The following CEP128 variants were observed in gnomAD, a reference collection of about 807,000 sequenced individuals.
CEP128 encodes the protein centrosomal protein 128.
A neutral mutation model predicts 156.7 loss-of-function variants in CEP128; 132 were observed. The observed-to-expected ratio is 0.84, with a 90% CI of 0.73 to 0.97. The LOEUF (loss-of-function observed/expected upper bound fraction) is 0.97, where lower values mean the gene tolerates loss of function less well. Ranked by LOEUF, CEP128 falls within the 50% of genes least tolerant of loss-of-function variation. The probability of loss-of-function intolerance (pLI) is 0.00; values close to 1 mark genes in which losing one functional copy is unlikely to be tolerated. For synonymous variants in CEP128, 469 were observed against 448.9 expected (o/e 1.04, Z -0.57); for missense variants, 1,252 against 1,281.9 (o/e 0.98, Z 0.36).
At chr14:80,737,131 T>A (rs578069665) in intron 19 of CEP128, among the ~76,000 whole-genome samples, 2 of 152,150 alleles carry the variant, frequency 1.3e-5, no homozygotes, top group Non-Finnish European at 2.9e-5. Flanking sequence ...ATAGGCTGGG[T>A]GCAGTGGCTC....
rs1901624118 is a variant in CEP128, at chr14:80,790,063, G to T, written c.1560+2697C>A. Among the ~76,000 whole-genome samples, 3 of 151,964 alleles carry T rather than the reference G, an allele frequency of 2.0e-5. No individual in the cohort carries two copies. The South Asian group carries it at 6.2e-4, about 31-fold the overall frequency. ...CCATTCAAAAATTCAGATTTTACAA[G>T]ATAGCATATATTACATATAACTCTT... On this transcript the variant is annotated intron_variant, in intron 14 of 24. Coordinates refer to ENST00000555265, the MANE Select transcript of CEP128 (RefSeq NM_152446.5).
At position 80,531,051 on chromosome 14, in the gene CEP128, C is replaced by T. The variant is rs555117966; in HGVS notation, c.2881-165G>A. ...AATAGTATTTTCAAGATAAATGTATCTTTTGAAAATAGAAGAATTATTTCC... is the reference window on the plus strand; with the variant it reads ...AATAGTATTTTCAAGATAAATGTATTTTTTGAAAATAGAAGAATTATTTCC... On this transcript the variant is annotated intron_variant, in intron 21 of 24. Coordinates refer to ENST00000555265, the MANE Select transcript of CEP128 (RefSeq NM_152446.5). 7 of 364,110 alleles carry T rather than the reference C, an allele frequency of 1.9e-5. No individual in the cohort carries two copies. In the East Asian group the frequency reaches 2.9e-4, roughly 15 times the overall value. The allele number at this position is 364,110 out of a possible 1,614,324, so 22.6% of individuals were successfully genotyped here.
intron 14 of CEP128, among the ~76,000 whole-genome samples, chr14:80,482,875 C>T (rs774523768): frequency 1.3e-5 from 2 of 152,114 alleles, no homozygotes; most frequent in Non-Finnish European, 2.9e-5. Flanking sequence ...GAAAATAAAT[C>T]GCTAAATGAC....
At chr14:80,845,113 A>G (rs577426797) in intron 9 of CEP128, among the ~76,000 whole-genome samples, 12 of 152,294 alleles carry the variant, frequency 7.9e-5, no homozygotes, top group African/African-American at 2.9e-4. Flanking sequence ...AAATAACTCA[A>G]AGGTAAACCC....
intron 19 of CEP128, among the ~76,000 whole-genome samples, chr14:80,661,938 T>C (rs1895418378): frequency 6.6e-6 from 1 of 152,184 alleles, no homozygotes; most frequent in African/African-American, 2.4e-5. Flanking sequence ...TTATACAGAA[T>C]ACATTGAGCT....
chr14:80,688,854 C>T (rs965095060), intron 19 of CEP128, among the ~76,000 whole-genome samples: 12 of 152,114 alleles, frequency 7.9e-5, no homozygotes, highest in Non-Finnish European at 1.6e-4. Flanking sequence ...TATAATTTCA[C>T]CTATACATTC....
intron 8 of CEP128, among the ~76,000 whole-genome samples, chr14:80,884,317 CA>C (rs781043596): frequency 1.7e-4 from 26 of 152,264 alleles, no homozygotes; most frequent in Admixed American, 3.3e-4. Context: ...GAAAATTTTG[CA>C]AACTATCAAC....
intron 19 of CEP128, among the ~76,000 whole-genome samples, chr14:80,712,820 T>C (rs1046175083): frequency 1.3e-5 from 2 of 152,094 alleles, no homozygotes; most frequent in African/African-American, 2.4e-5. Flanking sequence ...AAACGAGAAA[T>C]AACCAAGTCG....
At chr14:80,643,045 C>A (rs188237915) in intron 19 of CEP128, among the ~76,000 whole-genome samples, 1 of 152,122 alleles carries the variant, frequency 6.6e-6, no homozygotes, top group Non-Finnish European at 1.5e-5. Flanking sequence ...TGAGCCACCG[C>A]GCCCGGCTGA....
At chr14:80,633,862 T>A (rs771714074) in intron 19 of CEP128, among the ~76,000 whole-genome samples, 2 of 152,202 alleles carry the variant, frequency 1.3e-5, no homozygotes, top group Non-Finnish European at 2.9e-5. Context: ...TAAAAAAATG[T>A]GAATCCCTAT....
intron 18 of CEP128, among the ~76,000 whole-genome samples, chr14:80,747,549 C>T (rs1383348143): frequency 2.0e-5 from 3 of 152,222 alleles, no homozygotes; most frequent in Non-Finnish European, 2.9e-5. Context: ...TGGCTCACGC[C>T]TGTAATCCCA....
Position 80,606,823 on chromosome 14 carries a change from T to G in CEP128, c.2807-26400A>C, listed in dbSNP as rs767251475. 3.2e-4 allele frequency among the ~76,000 whole-genome samples: 48 copies of G among 152,130 alleles called. No homozygotes were observed. The Middle Eastern group carries it at 0.01, about 32-fold the overall frequency. On this transcript the variant is annotated intron_variant, in intron 19 of 24. Transcript: ENST00000555265. ...AGCCTGGATCCTGAACACCATGTTA[T>G]ATAATATATAGGTAATGTATATAAT...
At chr14:80,544,206 A>T (rs1889885613) in intron 21 of CEP128, among the ~76,000 whole-genome samples, 2 of 152,230 alleles carry the variant, frequency 1.3e-5, no homozygotes, top group Non-Finnish European at 2.9e-5. Context: ...ATACTATATC[A>T]TAATTTTTCA....
intron 9 of CEP128, among the ~76,000 whole-genome samples, chr14:80,847,363 G>A (rs922956181): frequency 6.6e-6 from 1 of 151,934 alleles, no homozygotes; most frequent in African/African-American, 2.4e-5. Context: ...TCAGCATGTC[G>A]ACATTAATGG....
chr14:80,729,058 G>GTGTGTGTGTGTGTGTGTGT lies in CEP128; in HGVS notation c.2806+14016_2806+14017insACACACACACACACACACA, dbSNP rs1344457542. The stretch of plus-strand genomic sequence containing the variant: ...CCTAGTCCCAGGCTGGGCTGGTGGG[G>GTGTGTGTGTGTGTGTGTGT]GTGTGTGTGTGTGTGTGTGTGTGTG... On this transcript the variant is annotated intron_variant, in intron 19 of 24. Coordinates refer to ENST00000555265, the MANE Select transcript of CEP128 (RefSeq NM_152446.5). Among the ~76,000 whole-genome samples, 529 of 105,044 alleles carry GTGTGTGTGTGTGTGTGTGT rather than the reference G, an allele frequency of 5.0e-3. 63 individuals are homozygous for GTGTGTGTGTGTGTGTGTGT. Among genetic ancestry groups the GTGTGTGTGTGTGTGTGTGT allele is most frequent in the East Asian group, 0.017 (55 of 3,202 alleles). 68.9% of individuals were successfully genotyped at this position (105,044 alleles called of 152,430 possible).
chr14:80,509,300 C>T lies in CEP128; in HGVS notation c.3073-4280G>A, dbSNP rs563904065. ...GGGTTCCCCTTTCTCCACATCCTTG[C>T]TAGCATTTGTTATTGCCTGTCTTTT... On this transcript the variant is annotated intron_variant, in intron 23 of 24. Coordinates refer to ENST00000555265, the MANE Select transcript of CEP128 (RefSeq NM_152446.5). Among the ~76,000 whole-genome samples, 138 of 152,290 alleles carry T rather than the reference C, an allele frequency of 9.1e-4. 1 individual carries two copies. Among genetic ancestry groups the T allele is most frequent in the East Asian group, 7.7e-4 (4 of 5,190 alleles).
intron 4 of CEP128, among the ~76,000 whole-genome samples, chr14:80,908,428 T>C (rs1164605408): frequency 6.6e-6 from 1 of 152,180 alleles, no homozygotes; most frequent in East Asian, 1.9e-4. Flanking sequence ...ATCTTTCAAT[T>C]CATGAATTCT....
intron 2 of CEP128, among the ~76,000 whole-genome samples, chr14:80,948,779 A>G (rs551395975): frequency 2.1e-4 from 32 of 152,340 alleles, no homozygotes; most frequent in East Asian, 1.7e-3. Context: ...AAGATTGGTC[A>G]TCATCTTATC....
rs551790911 is a variant in CEP128 at position 80,834,391 on chromosome 14, C to T, written c.1057+1814G>A. 9.9e-5 allele frequency among the ~76,000 whole-genome samples: 15 copies of T among 152,238 alleles called. No homozygotes were observed. In the South Asian group the frequency reaches 3.1e-3, roughly 32 times the overall value. ...CAGAATTGCTAGCAAATTGGAATTGCTAGCAAATCATGCAAAGTCAATTTT... is the reference window on the plus strand; with the variant it reads ...CAGAATTGCTAGCAAATTGGAATTGTTAGCAAATCATGCAAAGTCAATTTT... On this transcript the variant is annotated intron_variant, in intron 12 of 24. Coordinates refer to ENST00000555265, the MANE Select transcript of CEP128 (RefSeq NM_152446.5).
Sources: allele counts gnomAD v4.1 joint callset (sites outside exome capture counted in the v4.1 genomes callset), GRCh38; gene constraint gnomAD v4.1.1; transcripts MANE v1.5; gene names NCBI Gene and HGNC (gene_info 2026-07-23, HGNC 2026-07-21).